ABCA5: variants seen among roughly 807,000 people sequenced by gnomAD.
ABCA5 encodes cholesterol transporter ABCA5.
A neutral mutation model predicts 206.0 loss-of-function variants in ABCA5; 163 were observed. The observed-to-expected ratio is 0.79, with a 90% CI of 0.70 to 0.90. The LOEUF (loss-of-function observed/expected upper bound fraction) is 0.90, where lower values mean the gene tolerates loss of function less well. ABCA5 is among the 40% of genes least tolerant of loss of function. ABCA5 has a pLI of 0.00. For synonymous variants in ABCA5, 609 were observed against 613.8 expected (o/e 0.99, Z 0.11); for missense variants, 1,859 against 1,912.9 (o/e 0.97, Z 0.53).
Position 69,253,608 on chromosome 17 carries a change from A to G in ABCA5, c.4380T>C (p.Ser1460=), listed in dbSNP as rs1413306045. ...NPQITLLDEP[S]TGMDPKAKQH... ...GTTTGGCTTTGGGATCCATACCTGT[A>G]GATGGTTCATCTAGCAAAGTAATCT... The change falls in exon 34 of 39, where the codon TCT becomes TCC. Residue 1460 remains serine, a synonymous_variant. Transcript: ENST00000392676. 1 of 1,613,868 alleles carries G rather than the reference A, an allele frequency of 6.2e-7. No homozygotes were observed. Among genetic ancestry groups the G allele is most frequent in the South Asian group, 1.1e-5 (1 of 91,084 alleles).
intron 26 of ABCA5, 91 bp downstream of exon 26, chr17:69,261,034 T>C: frequency 1.8e-6 from 2 of 1,110,418 alleles, no homozygotes; most frequent in Non-Finnish European, 2.5e-6. Flanking sequence ...CCCAATGCAT[T>C]TTACTGTTTT....
rs1329435035 is a variant in ABCA5 at position 69,263,502 on chromosome 17, T to C, written c.3315+1233A>G. Among the ~76,000 whole-genome samples, 5 of 152,048 alleles carry C rather than the reference T, an allele frequency of 3.3e-5. No homozygotes were observed. The South Asian group carries it at 1.0e-3, about 32-fold the overall frequency. On this transcript the variant is annotated intron_variant, in intron 24 of 38. Transcript: ENST00000392676. Reference sequence around the variant, plus strand: ...GAACACAGAGTCCTTTCCTATTGCTTATTTTTATCAATTTTGTTGAAGATC... The same window carrying C: ...GAACACAGAGTCCTTTCCTATTGCTCATTTTTATCAATTTTGTTGAAGATC...
At chr17:69,250,690 A>G (rs1284506741) in intron 35 of ABCA5, 69 bp from the exon 36 acceptor site, 3 of 1,182,780 alleles carry the variant, frequency 2.5e-6, no homozygotes, top group African/African-American at 3.2e-5. Context: ...TCTCACACAT[A>G]TAACTACATT....
At chr17:69,283,005 TA>T (rs1301514451) in intron 18 of ABCA5, among the ~76,000 whole-genome samples, 2 of 119,236 alleles carry the variant, frequency 1.7e-5, no homozygotes, top group Non-Finnish European at 3.6e-5. Context: ...TTTTTTTTTT[TA>T]AACAGGGTCT....
At chr17:69,312,523 CT>C (rs1282854970) in intron 3 of ABCA5, among the ~76,000 whole-genome samples, 1 of 152,190 alleles carries the variant, frequency 6.6e-6, no homozygotes, top group African/African-American at 2.4e-5. Flanking sequence ...GCATGGTAAG[CT>C]GAAAAGGTGA....
chr17:69,303,785 AAT>A (rs1182494562), intron 7 of ABCA5, among the ~76,000 whole-genome samples: 58 of 4,746 alleles, frequency 0.012, 11 homozygotes, highest in Admixed American at 0.024. Flanking sequence ...AAAAAAAAAA[AAT>A]ATATATATAT....
rs778690882 is a variant in ABCA5, at chr17:69,254,377, A to G, written c.4182T>C (p.His1394=). Reference sequence around the variant, plus strand: ...CTTTGACAGCTCCATAAATTTCAAAATGTTCCTGCAATGTAGTATCTGGCC... The same window carrying G: ...CTTTGACAGCTCCATAAATTTCAAAGTGTTCCTGCAATGTAGTATCTGGCC... ...PLWPDTTLQE[H]FEIYGAVKGM... is the part of the protein sequence containing the mutation. The change falls in exon 32 of 39, where the codon CAT becomes CAC. Residue 1394 remains histidine (H), a synonymous_variant. Transcript: ENST00000392676. 1.2e-6 allele frequency: 2 copies of G among 1,613,570 alleles called. No individual in the cohort carries two copies. The highest frequency in any genetic ancestry group is 1.7e-6 in the Non-Finnish European group (2 of 1,179,732).
chr17:69,290,747 A>G (rs2075516653), intron 12 of ABCA5, among the ~76,000 whole-genome samples: 1 of 152,128 alleles, frequency 6.6e-6, no homozygotes, highest in Non-Finnish European at 1.5e-5. Flanking sequence ...ACTATAATGA[A>G]TTCTCACCTA....
intron 19 of ABCA5, 98 bp downstream of exon 19, chr17:69,277,543 T>C: frequency 2.1e-6 from 2 of 942,294 alleles, no homozygotes; most frequent in African/African-American, 3.5e-5. Context: ...CTATATAAAT[T>C]ATTTACATAT....
chr17:69,259,602 T>A, intron 28 of ABCA5, 104 bp downstream of exon 28: 4 of 735,848 alleles, frequency 5.4e-6, no homozygotes. Flanking sequence ...GTACAAAGTT[T>A]CTTTTTGGAG....
At chr17:69,325,228 G>T (rs1274986423) in intron 1 of ABCA5, among the ~76,000 whole-genome samples, 1 of 151,160 alleles carries the variant, frequency 6.6e-6, no homozygotes, top group African/African-American at 2.4e-5. Context: ...AGGATCACTT[G>T]AGCCTGCGAA....
At chr17:69,308,506 C>T (rs1312268966) in intron 4 of ABCA5, 138 bp from the exon 5 acceptor site, 1 of 478,964 alleles carries the variant, frequency 2.1e-6, no homozygotes, top group Non-Finnish European at 3.7e-6. Context: ...AAGCTACTGA[C>T]TTTCAAAGGT....
At chr17:69,265,233 A>G (rs780971814) in intron 23 of ABCA5, among the ~76,000 whole-genome samples, 18 of 152,164 alleles carry the variant, frequency 1.2e-4, no homozygotes, top group Non-Finnish European at 1.8e-4. Flanking sequence ...AATAGCCAAA[A>G]CATTACTACT....
At chr17:69,312,833 TTAAAC>T (rs2075782898) in intron 3 of ABCA5, among the ~76,000 whole-genome samples, 1 of 152,074 alleles carries the variant, frequency 6.6e-6, no homozygotes, top group Non-Finnish European at 1.5e-5. Context: ...ACAAGTATAC[TTAAAC>T]TATTTTATAA....
intron 19 of ABCA5, among the ~76,000 whole-genome samples, chr17:69,275,914 G>A (rs2075326607): frequency 6.6e-6 from 1 of 152,286 alleles, no homozygotes; most frequent in Admixed American, 6.5e-5. Context: ...TGAGCACACA[G>A]TGAGATGGTG....
intron 19 of ABCA5, among the ~76,000 whole-genome samples, chr17:69,276,773 A>C (rs909273034): frequency 6.6e-6 from 1 of 152,346 alleles, no homozygotes; most frequent in Middle Eastern, 3.4e-3. Context: ...CAAGTTCTGC[A>C]CATATATCCC....
At chr17:69,263,697 C>CTTTTTTTTTTTTTTTTTTTTTTTTTTTTT (rs58369537) in intron 24 of ABCA5, among the ~76,000 whole-genome samples, 13 of 103,670 alleles carry the variant, frequency 1.3e-4, no homozygotes, top group African/African-American at 3.1e-4. Flanking sequence ...ACATGGATTC[C>CTTTTTTTTTTTTTTTTTTTTTTTTTTTTT]TTTTTTTTTT....
At chr17:69,283,185 T>G (rs976623678) in intron 18 of ABCA5, among the ~76,000 whole-genome samples, 4 of 152,070 alleles carry the variant, frequency 2.6e-5, no homozygotes, top group Non-Finnish European at 5.9e-5. Context: ...GGTTTTGCCA[T>G]GTTGCCAAGA....
At chr17:69,280,281 A>G (rs938703334) in intron 18 of ABCA5, among the ~76,000 whole-genome samples, 80 of 152,360 alleles carry the variant, frequency 5.3e-4, no homozygotes, top group African/African-American at 1.9e-3. Context: ...ACACATGAAA[A>G]AACGCTCACC....
Sources: gnomAD v4.1 joint callset for allele counts (sites outside exome capture counted in the v4.1 genomes callset) on GRCh38, gnomAD v4.1.1 for gene constraint, MANE v1.5 for transcripts, NCBI Gene and HGNC (gene_info 2026-07-23, HGNC 2026-07-21) for gene names.